ADCY5: variants seen among roughly 807,000 people sequenced by gnomAD.
ADCY5 encodes adenylate cyclase 5, also known as adenylate cyclase type 5.
Under a neutral mutation model 119.7 loss-of-function variants are expected in ADCY5, and 30 were observed. The observed-to-expected ratio is 0.25, with a 90% CI of 0.19 to 0.34. The LOEUF (loss-of-function observed/expected upper bound fraction) is 0.34. ADCY5 is among the 10% of genes least tolerant of loss of function. The pLI is 1.00. For synonymous variants in ADCY5, 753 were observed against 762.2 expected, an observed-to-expected ratio of 0.99 and a Z score of 0.20; for missense variants, 1,324 against 1,775.2, an observed-to-expected ratio of 0.75 and a Z score of 4.57.
chr3:123,386,791 C>G (rs1382717514), intron 1 of ADCY5, among the ~76,000 whole-genome samples: 1 of 152,182 alleles, frequency 6.6e-6, no homozygotes, highest in African/African-American at 2.4e-5. Context: ...CCCCCGACCC[C>G]ACCCCGTTTC....
At chr3:123,288,664 GGGT>G (rs1334393485) in intron 19 of ADCY5, among the ~76,000 whole-genome samples, 3 of 152,162 alleles carry the variant, frequency 2.0e-5, no homozygotes, top group Non-Finnish European at 4.4e-5. Context: ...GTGTGTACCT[GGGT>G]TTTCATTTTA....
At chr3:123,359,274 C>T (rs1244596440) in intron 1 of ADCY5, among the ~76,000 whole-genome samples, 4 of 144,940 alleles carry the variant, frequency 2.8e-5, no homozygotes, top group East Asian at 2.0e-4. Context: ...ACAAACAACA[C>T]GTACATCTTT....
At chr3:123,379,967 A>G (rs1943974907) in intron 1 of ADCY5, among the ~76,000 whole-genome samples, 2 of 152,318 alleles carry the variant, frequency 1.3e-5, no homozygotes, top group Admixed American at 6.5e-5. Flanking sequence ...GATAAAATAC[A>G]AAGGCAGGGT....
At chr3:123,353,169 G>C (rs1942902709) in intron 1 of ADCY5, among the ~76,000 whole-genome samples, 1 of 152,176 alleles carries the variant, frequency 6.6e-6, no homozygotes, top group South Asian at 2.1e-4. Flanking sequence ...TCTGTTGCCA[G>C]CTCTCTGACA....
chr3:123,339,005 C>A (rs1942156377), intron 3 of ADCY5, among the ~76,000 whole-genome samples: 1 of 152,210 alleles, frequency 6.6e-6, no homozygotes, highest in African/African-American at 2.4e-5. Context: ...CCTGCAGCCC[C>A]TGGCATCGTC....
chr3:123,312,744 T>C (rs1940653059), intron 12 of ADCY5, among the ~76,000 whole-genome samples: 1 of 152,252 alleles, frequency 6.6e-6, no homozygotes, highest in Non-Finnish European at 1.5e-5. Context: ...TTCCTCTTTA[T>C]GATGGAATAA....
rs1421313648 is a variant in ADCY5, at chr3:123,386,046, G to A, written c.1135-33465C>T. On this transcript the variant is annotated intron_variant, in intron 1 of 20. Coordinates refer to ENST00000462833, the MANE Select transcript of ADCY5 (RefSeq NM_183357.3). The stretch of plus-strand genomic sequence containing the variant: ...CACAGGACCGTCAAAGAGGCAGAGC[G>A]TGAGAGCCCAAGCAGGCCCATGGAA... 4.6e-5 allele frequency among the ~76,000 whole-genome samples: 7 copies of A among 152,178 alleles called. 1 individual carries two copies. In the South Asian group the frequency reaches 1.0e-3, roughly 23 times the overall value.
chr3:123,331,968 A>G (rs773669233), intron 4 of ADCY5, among the ~76,000 whole-genome samples: 4 of 152,164 alleles, frequency 2.6e-5, no homozygotes, highest in Non-Finnish European at 4.4e-5. Flanking sequence ...CTGACATTTA[A>G]TCACTCTACA....
intron 1 of ADCY5, among the ~76,000 whole-genome samples, chr3:123,396,771 AAGGAAGGAAGGCAGGC>A (rs1354892902): frequency 4.0e-4 from 28 of 70,282 alleles, no homozygotes; most frequent in South Asian, 1.0e-3. Context: ...GGAAGGAAGG[AAGGAAGGAAGGCAGGC>A]AGGCAGGCAG....
chr3:123,391,308 C>G (rs940249259), intron 1 of ADCY5, among the ~76,000 whole-genome samples: 1 of 152,220 alleles, frequency 6.6e-6, no homozygotes, highest in Non-Finnish European at 1.5e-5. Context: ...TGGCCAAACC[C>G]CCCCTTTCCA....
chr3:123,442,831 G>A lies in ADCY5; in HGVS notation c.1134+4581C>T, dbSNP rs369431042. On this transcript the variant is annotated intron_variant, in intron 1 of 20. Transcript: ENST00000462833. ...CTCCTAGCTTTTGGGAGAAAGAGGCGATCTAATAAGCAATAAGTAAATATA... is the reference window on the plus strand; with the variant it reads ...CTCCTAGCTTTTGGGAGAAAGAGGCAATCTAATAAGCAATAAGTAAATATA... Among the ~76,000 whole-genome samples the A allele has an allele frequency of 2.6e-5, 4 of 152,186 alleles. No homozygotes were observed. The East Asian group carries it at 5.8e-4, about 22-fold the overall frequency.
chr3:123,423,621 C>T (rs538966247), intron 1 of ADCY5, among the ~76,000 whole-genome samples: 1 of 152,308 alleles, frequency 6.6e-6, no homozygotes, highest in East Asian at 1.9e-4. Context: ...AAGCCCCTGC[C>T]CTCAAGAGCT....
chr3:123,362,760 A>C (rs1344277595), intron 1 of ADCY5, among the ~76,000 whole-genome samples: 2 of 152,230 alleles, frequency 1.3e-5, no homozygotes, highest in Non-Finnish European at 2.9e-5. Flanking sequence ...AGTTAATTTC[A>C]TAAACATTCA....
intron 1 of ADCY5, among the ~76,000 whole-genome samples, chr3:123,357,595 G>A (rs1241913405): frequency 6.6e-6 from 1 of 152,158 alleles, no homozygotes; most frequent in Non-Finnish European, 1.5e-5. Context: ...CACAAAACCA[G>A]GCAGGCAGAA....
At chr3:123,359,277 A>G (rs1047011344) in intron 1 of ADCY5, among the ~76,000 whole-genome samples, 14 of 148,116 alleles carry the variant, frequency 9.5e-5, no homozygotes, top group African/African-American at 3.5e-4. Context: ...AACAACACGT[A>G]CATCTTTTAG....
In ADCY5 at chr3:123,297,385, G is replaced by A. The variant is rs1939585714; in HGVS notation, c.2901-3C>T. 6.2e-7 allele frequency: 1 copy of A among 1,613,856 alleles called. No individual in the cohort carries two copies. Among genetic ancestry groups the A allele is most frequent in the African/African-American group, 1.3e-5 (1 of 74,924 alleles). On this transcript the variant is annotated splice_region_variant and splice_polypyrimidine_tract_variant and intron_variant, in intron 15 of 20. Transcript: ENST00000462833. Reference sequence around the variant, plus strand: ...AGGTCCCGTTGTTGAAGAAGTCTCTGTGAAGAGAGTTGGGGAAGACTGGTC... The same window carrying A: ...AGGTCCCGTTGTTGAAGAAGTCTCTATGAAGAGAGTTGGGGAAGACTGGTC...
intron 8 of ADCY5, 106 bp from the exon 9 acceptor site, chr3:123,320,877 G>T: frequency 1.2e-6 from 1 of 800,424 alleles, no homozygotes; most frequent in Non-Finnish European, 2.1e-6. Context: ...GTCTCCCAAA[G>T]GACGTGGACA....
At chr3:123,328,539 G>T in intron 6 of ADCY5, 105 bp downstream of exon 6, 5 of 1,383,108 alleles carry the variant, frequency 3.6e-6, no homozygotes, top group Non-Finnish European at 5.0e-6. Flanking sequence ...TGCCCATCCT[G>T]CCCACCCCAC....
intron 1 of ADCY5, among the ~76,000 whole-genome samples, chr3:123,366,702 A>G (rs1482650612): frequency 6.6e-6 from 1 of 152,234 alleles, no homozygotes; most frequent in Non-Finnish European, 1.5e-5. Flanking sequence ...AGAGCAATGA[A>G]TGAACATCTA....
Sources: allele counts gnomAD v4.1 joint callset (sites outside exome capture counted in the v4.1 genomes callset), GRCh38; gene constraint gnomAD v4.1.1; transcripts MANE v1.5; gene names NCBI Gene and HGNC (gene_info 2026-07-23, HGNC 2026-07-21).